Variants in GAB1 observed in about 807,000 individuals in gnomAD.
GAB1 encodes the protein GRB2 associated binding protein 1, also known as GRB2-associated-binding protein 1.
GAB1 carries 19 observed loss-of-function variants against 66.5 expected under a neutral mutation model. The observed-to-expected ratio is 0.29, with a 90% confidence interval of 0.20 to 0.42. The LOEUF (loss-of-function observed/expected upper bound fraction) is 0.42. Among genes scored for constraint, GAB1 ranks in the 10% least tolerant of loss-of-function variants. The pLI is 1.00. For synonymous variants in GAB1, 294 were observed against 301.4 expected (o/e 0.98, Z 0.25); for missense variants, 732 against 858.5 (o/e 0.85, Z 1.84).
intron 2 of GAB1, among the ~76,000 whole-genome samples, chr4:143,423,872 T>TAAAA (rs1553951688): frequency 7.3e-6 from 1 of 136,128 alleles, no homozygotes; most frequent in African/African-American, 2.6e-5. Flanking sequence ...ATTTTTTTTT[T>TAAAA]AAAAAAAAGG....
At position 143,427,914 on chromosome 4, in the gene GAB1, CTCTT is replaced by C. The variant is rs762488276; in HGVS notation, c.368-5568_368-5565del. On this transcript the variant is annotated intron_variant, in intron 2 of 9. Transcript: ENST00000262994. ...ATGTGAGGGAGAGAAAGTGAAGCAT[CTCTT>C]TCTTTCTTCCATCATTATATCCCCA... is the stretch of plus-strand genomic sequence containing the variant. 3.3e-5 allele frequency among the ~76,000 whole-genome samples: 5 copies of C among 152,290 alleles called. No homozygotes were observed. The East Asian group carries it at 9.7e-4, about 29-fold the overall frequency.
intron 1 of GAB1, among the ~76,000 whole-genome samples, chr4:143,372,549 CTG>C (rs938360864): frequency 3.3e-5 from 5 of 152,188 alleles, no homozygotes; most frequent in African/African-American, 1.2e-4. Flanking sequence ...CAAGAGAAAA[CTG>C]TGGCTTAAAT....
At chr4:143,388,226 C>A (rs1305158185) in intron 1 of GAB1, among the ~76,000 whole-genome samples, 1 of 151,870 alleles carries the variant, frequency 6.6e-6, no homozygotes, top group Non-Finnish European at 1.5e-5. Context: ...TTCTAATCTT[C>A]TTGCAGAGAA....
chr4:143,362,378 G>C (rs113706482), intron 1 of GAB1, among the ~76,000 whole-genome samples: 1 of 152,134 alleles, frequency 6.6e-6, no homozygotes. Context: ...AGACAAATCT[G>C]TGGAGTAAAG....
At chr4:143,413,443 A>G (rs979112265) in intron 1 of GAB1, among the ~76,000 whole-genome samples, 4 of 152,330 alleles carry the variant, frequency 2.6e-5, no homozygotes, top group African/African-American at 9.6e-5. Context: ...TTCCCTGGAC[A>G]CAAATTATAT....
rs1277922382 is a variant in GAB1 at position 143,372,611 on chromosome 4, C to T, written c.72+35351C>T. On this transcript the variant is annotated intron_variant, in intron 1 of 9. Transcript: ENST00000262994. ...ACTGTGTAATGCAGTGGCCAAAAAGCCTAAATTCATCTTAGACTATTTGAA... is the reference window on the plus strand; with the variant it reads ...ACTGTGTAATGCAGTGGCCAAAAAGTCTAAATTCATCTTAGACTATTTGAA... 2.6e-5 allele frequency among the ~76,000 whole-genome samples: 4 copies of T among 152,136 alleles called. No individual in the cohort carries two copies. In the East Asian group the frequency reaches 7.7e-4, roughly 29 times the overall value.
At chr4:143,374,621 A>G (rs1730334379) in intron 1 of GAB1, among the ~76,000 whole-genome samples, 1 of 152,190 alleles carries the variant, frequency 6.6e-6, no homozygotes, top group Admixed American at 6.5e-5. Context: ...TAGGTTTACT[A>G]TCTGTGGCTA....
rs1434798442 is a variant in GAB1 at position 143,472,479 on chromosome 4, G to A, written c.*3290G>A. 1.3e-5 allele frequency: 2 copies of A among 152,076 alleles called. No individual in the cohort carries two copies. The highest frequency in any genetic ancestry group is 4.8e-5 in the African/African-American group (2 of 41,424). The allele number at this position is 152,076 out of a possible 1,614,324, so 9.4% of individuals were successfully genotyped here. ...TTTTTCTACTTATGGGAAGTTGTCTGCTTCCCCCTTTAGAGAAAACAGTAT... is the reference window on the plus strand; with the variant it reads ...TTTTTCTACTTATGGGAAGTTGTCTACTTCCCCCTTTAGAGAAAACAGTAT... On this transcript the variant is annotated 3_prime_UTR_variant, in exon 10 of 10. Transcript: ENST00000262994.
intron 1 of GAB1, among the ~76,000 whole-genome samples, chr4:143,371,826 T>G (rs1365667959): frequency 6.6e-6 from 1 of 152,206 alleles, no homozygotes; most frequent in Admixed American, 6.5e-5. Context: ...CGATTTCTTG[T>G]TTTTGTCAGG....
intron 1 of GAB1, among the ~76,000 whole-genome samples, chr4:143,338,129 C>G (rs970648081): frequency 6.6e-6 from 1 of 152,174 alleles, no homozygotes; most frequent in African/African-American, 2.4e-5. Flanking sequence ...AAAAATATTC[C>G]TTGAAAGTAT....
At chr4:143,453,742 C>G (rs532833384) in intron 6 of GAB1, among the ~76,000 whole-genome samples, 50 of 152,270 alleles carry the variant, frequency 3.3e-4, no homozygotes, top group African/African-American at 1.2e-3. Context: ...GGACTAAGAA[C>G]ATGAACCCTC....
At chr4:143,367,276 GT>G (rs2149662260) in intron 1 of GAB1, among the ~76,000 whole-genome samples, 1 of 147,068 alleles carries the variant, frequency 6.8e-6, no homozygotes, top group East Asian at 2.0e-4. Context: ...ATCTAATGTT[GT>G]GCATGTAGTT....
rs188069260 is a variant in GAB1 at position 143,358,942 on chromosome 4, T to A, written c.72+21682T>A. On this transcript the variant is annotated intron_variant, in intron 1 of 9. Coordinates refer to ENST00000262994, the MANE Select transcript of GAB1 (RefSeq NM_002039.4). ...GAGGCTGCCTTCAGGTGTAGTAAGG[T>A]TTAACTTCTATCCCGGTTCCAACTT... Among the ~76,000 whole-genome samples the A allele has an allele frequency of 6.2e-3, 943 of 151,910 alleles. 5 individuals carry two copies. Among genetic ancestry groups the A allele is most frequent in the South Asian group, 0.03 (144 of 4,804 alleles).
intron 1 of GAB1, among the ~76,000 whole-genome samples, chr4:143,368,545 T>C (rs1729982484): frequency 6.6e-6 from 1 of 152,228 alleles, no homozygotes; most frequent in Non-Finnish European, 1.5e-5. Context: ...ATATGCAATT[T>C]AAAATGTTTT....
chr4:143,360,743 G>T (rs2149656596), intron 1 of GAB1, among the ~76,000 whole-genome samples: 1 of 152,016 alleles, frequency 6.6e-6, no homozygotes, highest in South Asian at 2.1e-4. Context: ...CGGCAATTTT[G>T]GTCTTACTGA....
chr4:143,462,723 C>T lies in GAB1; in HGVS notation c.1803+2236C>T, dbSNP rs534907568. ...TCACCTAGGCTGGAATGCAGTAGCG[C>T]GATCTCAACTCACTGCAGCCTCCAC... On this transcript the variant is annotated intron_variant, in intron 8 of 9. Transcript: ENST00000262994. Among the ~76,000 whole-genome samples the T allele has an allele frequency of 1.4e-4, 21 of 152,024 alleles. No homozygotes were observed. In the South Asian group the frequency reaches 1.5e-3, roughly 11 times the overall value.
At chr4:143,464,582 A>G (rs1165700291) in intron 8 of GAB1, among the ~76,000 whole-genome samples, 2 of 152,212 alleles carry the variant, frequency 1.3e-5, no homozygotes, top group East Asian at 3.9e-4. Flanking sequence ...AATTTGGTTT[A>G]AAAAATCTGT....
At chr4:143,390,367 A>C (rs1235954908) in intron 1 of GAB1, among the ~76,000 whole-genome samples, 1 of 152,032 alleles carries the variant, frequency 6.6e-6, no homozygotes, top group African/African-American at 2.4e-5. Context: ...ACCGAAGAAA[A>C]ATCTCAATTA....
chr4:143,400,229 C>T lies in GAB1; in HGVS notation c.73-15248C>T, dbSNP rs567493890. On this transcript the variant is annotated intron_variant, in intron 1 of 9. Coordinates refer to ENST00000262994, the MANE Select transcript of GAB1 (RefSeq NM_002039.4). ...AAGTGCTGGGACTACAGGCGTGAGCCACTGTGCCTGGCCTGAGTCTCTACT... is the reference window on the plus strand; with the variant it reads ...AAGTGCTGGGACTACAGGCGTGAGCTACTGTGCCTGGCCTGAGTCTCTACT... Among the ~76,000 whole-genome samples, 95 of 152,294 alleles carry T rather than the reference C, an allele frequency of 6.2e-4. No homozygotes were observed. The Middle Eastern group carries it at 0.01, about 16-fold the overall frequency.
Sources: allele counts gnomAD v4.1 joint callset (sites outside exome capture counted in the v4.1 genomes callset), GRCh38; gene constraint gnomAD v4.1.1; transcripts MANE v1.5; gene names NCBI Gene and HGNC (gene_info 2026-07-23, HGNC 2026-07-21).